ABCA10: variants seen among roughly 807,000 people sequenced by gnomAD.
ABCA10 encodes the protein ATP-binding cassette sub-family A member 10.
Under a neutral mutation model 187.5 loss-of-function variants are expected in ABCA10, and 169 were observed. The ratio of observed to expected loss-of-function variants is 0.90; its 90% CI spans 0.80 to 1.02. The LOEUF (loss-of-function observed/expected upper bound fraction) is 1.02. Ranked by LOEUF, ABCA10 falls within the 50% of genes least tolerant of loss-of-function variation. ABCA10 has a pLI of 0.00. For missense variants in ABCA10, 1,727 were observed against 1,812.4 expected, an observed-to-expected ratio of 0.95 and a Z score of 0.86; for synonymous variants, 574 against 601.8, an observed-to-expected ratio of 0.95 and a Z score of 0.68.
chr17:69,233,489 G>C (rs1568078527), upstream of ABCA10: 1 of 151,862 alleles, frequency 6.6e-6, no homozygotes, highest in East Asian at 1.9e-4. Flanking sequence ...GAAGTTCATT[G>C]ATCTTCCTTA....
Position 69,156,816 on chromosome 17 carries a change from T to C in ABCA10, c.3455+16A>G, listed in dbSNP as rs763482222. On this transcript the variant is annotated intron_variant, in intron 28 of 38. Transcript: ENST00000690296. Reference sequence around the variant, plus strand: ...TATTTAGATTATATTCAGATCTCAATTAATATTTTCCCAACCTGAAAACTG... The same window carrying C: ...TATTTAGATTATATTCAGATCTCAACTAATATTTTCCCAACCTGAAAACTG... 7.6e-6 allele frequency: 11 copies of C among 1,441,468 alleles called. No individual in the cohort carries two copies. The highest frequency in any genetic ancestry group is 8.5e-6 in the Non-Finnish European group (9 of 1,056,556). 89.3% of individuals were successfully genotyped at this position (1,441,468 alleles called of 1,614,324 possible). A position where few individuals can be genotyped will look rare whatever the true frequency, so the allele number is the denominator to read the frequency against.
At chr17:69,239,399 A>G (rs1306895661) in intron 1 of ABCA10, among the ~76,000 whole-genome samples, 1 of 152,232 alleles carries the variant, frequency 6.6e-6, no homozygotes. Context: ...AGCTCCTTTT[A>G]GTAAATAAAT....
intron 1 of ABCA10, chr17:69,233,863 C>G (rs1319560956): frequency 6.6e-6 from 1 of 152,196 alleles, no homozygotes; most frequent in East Asian, 1.9e-4. Context: ...AGCTTTCTAG[C>G]CCAGATAGAC....
chr17:69,195,238 G>A (rs375876431), intron 11 of ABCA10, among the ~76,000 whole-genome samples: 13 of 152,178 alleles, frequency 8.5e-5, no homozygotes, highest in African/African-American at 2.9e-4. Context: ...CAAACCACAG[G>A]CCAAAATAGA....
Position 69,193,229 on chromosome 17 carries a change from G to A in ABCA10, c.1661C>T (p.Pro554Leu). Reference sequence around the variant, plus strand: ...TGAAAAGGGATCCAATCCAGCAGTTGGTTCATCTAGCAGCAAAACCTACAG... The same window carrying A: ...TGAAAAGGGATCCAATCCAGCAGTTAGTTCATCTAGCAGCAAAACCTACAG... ...GDPQVLLLDE[P>L]TAGLDPFSRH... The change falls in exon 15 of 39, where the codon CCA becomes CTA. Residue 554 changes from proline (P) to leucine (L), a missense_variant. By Grantham distance (98) the Pro-to-Leu change is moderately conservative. Transcript: ENST00000690296. The A allele has an allele frequency of 6.2e-7, 1 of 1,613,462 alleles. No individual in the cohort carries two copies. The highest frequency in any genetic ancestry group is 8.5e-7 in the Non-Finnish European group (1 of 1,179,844).
chr17:69,219,535 C>T lies in ABCA10; in HGVS notation c.530+10G>A. The T allele has an allele frequency of 6.5e-7, 1 of 1,537,622 alleles. No homozygotes were observed. Among genetic ancestry groups the T allele is most frequent in the Non-Finnish European group, 8.8e-7 (1 of 1,139,468 alleles). On this transcript the variant is annotated intron_variant, in intron 6 of 38. Coordinates refer to ENST00000690296, the MANE Select transcript of ABCA10 (RefSeq NM_001377321.1). ...TGTATGATATACAGTAAAGTAGCAA[C>T]TTAACTTACCAGAATGCTGACTCTC...
chr17:69,207,752 A>T (rs758280426), intron 9 of ABCA10, among the ~76,000 whole-genome samples: 5 of 152,208 alleles, frequency 3.3e-5, no homozygotes, highest in Non-Finnish European at 5.9e-5. Context: ...AGGGCCTGGC[A>T]GTGGGTGGAG....
intron 26 of ABCA10, among the ~76,000 whole-genome samples, chr17:69,164,625 T>C (rs2144766958): frequency 6.6e-6 from 1 of 152,278 alleles, no homozygotes; most frequent in Non-Finnish European, 1.5e-5. Context: ...ATGAAAAACT[T>C]CTATCCCCTG....
At chr17:69,223,716 G>A (rs1482142813) in intron 3 of ABCA10, 3 of 419,772 alleles carry the variant, frequency 7.1e-6, no homozygotes, top group Admixed American at 3.0e-5. Context: ...TTCTCTAGGG[G>A]TATAAAAAAT....
intron 36 of ABCA10, among the ~76,000 whole-genome samples, chr17:69,151,103 G>A (rs892197632): frequency 2.0e-5 from 3 of 152,056 alleles, no homozygotes; most frequent in Non-Finnish European, 4.4e-5. Flanking sequence ...CTTCTCTTGT[G>A]AGCCACAGGT....
At chr17:69,149,519 T>C (rs921949986) in intron 37 of ABCA10, among the ~76,000 whole-genome samples, 3 of 152,184 alleles carry the variant, frequency 2.0e-5, no homozygotes, top group African/African-American at 7.2e-5. Context: ...AATAGTGACT[T>C]GTTACACCTC....
upstream of ABCA10, among the ~76,000 whole-genome samples, chr17:69,229,603 C>G (rs893778416): frequency 2.6e-5 from 4 of 151,852 alleles, no homozygotes; most frequent in East Asian, 7.8e-4. Context: ...GTGACAGAGA[C>G]AGAAAGGGTA....
At chr17:69,231,613 C>A (rs1007317750), upstream of ABCA10, among the ~76,000 whole-genome samples, 2 of 151,906 alleles carry the variant, frequency 1.3e-5, no homozygotes, top group Non-Finnish European at 2.9e-5. Context: ...AGTTTTATTC[C>A]ATTGTGGTCA....
At chr17:69,156,018 T>A in intron 28 of ABCA10, 93 bp from the exon 29 acceptor site, 5 of 1,346,596 alleles carry the variant, frequency 3.7e-6, no homozygotes, top group African/African-American at 1.5e-5. Flanking sequence ...TTATCCTTTT[T>A]AAAAAAGACT....
chr17:69,166,067 T>G (rs528114703), intron 25 of ABCA10, among the ~76,000 whole-genome samples: 138 of 152,256 alleles, frequency 9.1e-4, no homozygotes, highest in African/African-American at 3.1e-3. Context: ...TAGAACACAC[T>G]GTACTACTGT....
intron 1 of ABCA10, among the ~76,000 whole-genome samples, chr17:69,241,266 TCTC>T (rs1418189821): frequency 6.6e-6 from 1 of 152,124 alleles, no homozygotes; most frequent in Non-Finnish European, 1.5e-5. Context: ...TGTACTATAA[TCTC>T]CACCTTCTCA....
intron 9 of ABCA10, among the ~76,000 whole-genome samples, chr17:69,211,999 ATTTCT>A (rs1297617231): frequency 6.7e-6 from 1 of 149,274 alleles, no homozygotes; most frequent in Non-Finnish European, 1.5e-5. Flanking sequence ...GATCTTGGGG[ATTTCT>A]TTTCTTCTGC....
chr17:69,235,158 T>C (rs1157353072), intron 1 of ABCA10: 3 of 152,194 alleles, frequency 2.0e-5, no homozygotes, highest in Non-Finnish European at 4.4e-5. Flanking sequence ...TCTCTGCCCA[T>C]CTCCCTCCAA....
intron 1 of ABCA10, among the ~76,000 whole-genome samples, chr17:69,241,762 T>A (rs2074904601): frequency 6.6e-6 from 1 of 152,220 alleles, no homozygotes; most frequent in African/African-American, 2.4e-5. Flanking sequence ...GTAATTTGTC[T>A]TACTATAATA....
Sources: gnomAD v4.1 joint callset for allele counts (sites outside exome capture counted in the v4.1 genomes callset) on GRCh38, gnomAD v4.1.1 for gene constraint, MANE v1.5 for transcripts, NCBI Gene and HGNC (gene_info 2026-07-23, HGNC 2026-07-21) for gene names.